Variants in SRRM4 observed in about 807,000 individuals in gnomAD.
SRRM4 encodes serine/arginine repetitive matrix 4.
SRRM4 carries 33 observed loss-of-function variants against 68.9 expected under a neutral mutation model. The observed-to-expected ratio is 0.48, with a 90% CI of 0.36 to 0.64. The LOEUF is 0.64. Ranked by LOEUF, SRRM4 falls within the 30% of genes least tolerant of loss-of-function variation. SRRM4 has a pLI of 0.00. For missense variants in SRRM4, 817 were observed against 827.1 expected (o/e 0.99, Z 0.15); for synonymous variants, 318 against 318.8 (o/e 1.00, Z 0.03).
intron 12 of SRRM4, among the ~76,000 whole-genome samples, chr12:119,155,396 G>A (rs1431036348): frequency 1.3e-5 from 2 of 152,220 alleles, no homozygotes; most frequent in African/African-American, 4.8e-5. Context: ...GAAAAAGAAT[G>A]TGTTTCCCAG....
At chr12:119,145,737 C>A in intron 9 of SRRM4, 52 bp downstream of exon 9, 3 of 1,400,310 alleles carry the variant, frequency 2.1e-6, no homozygotes, top group Non-Finnish European at 2.8e-6. Flanking sequence ...CTTAGCTCCA[C>A]CTTCTCATGC....
chr12:119,019,450 TC>T (rs947374315), intron 1 of SRRM4, among the ~76,000 whole-genome samples: 5 of 151,772 alleles, frequency 3.3e-5, no homozygotes, highest in African/African-American at 7.3e-5. Flanking sequence ...GGGCTTGAAT[TC>T]CCCCCCTCAA....
At chr12:119,035,662 G>A (rs1286745156) in intron 1 of SRRM4, among the ~76,000 whole-genome samples, 3 of 151,790 alleles carry the variant, frequency 2.0e-5, no homozygotes, top group Admixed American at 6.6e-5. Context: ...TTTTTAACTG[G>A]GTCAAGTTGT....
intron 1 of SRRM4, among the ~76,000 whole-genome samples, chr12:119,093,054 A>C (rs1036285825): frequency 6.6e-6 from 1 of 152,002 alleles, no homozygotes. Flanking sequence ...CATCACTTTC[A>C]AGTCTTTGCT....
chr12:119,136,602 A>G (rs1954329920), intron 8 of SRRM4, among the ~76,000 whole-genome samples: 1 of 152,242 alleles, frequency 6.6e-6, no homozygotes, highest in Non-Finnish European at 1.5e-5. Context: ...CAGAAGAAGT[A>G]GGAAAGACAC....
chr12:119,101,341 C>A (rs1954076670), intron 1 of SRRM4, among the ~76,000 whole-genome samples: 1 of 152,098 alleles, frequency 6.6e-6, no homozygotes, highest in Admixed American at 6.5e-5. Context: ...CTCAGGAACT[C>A]CCATAAAGAC....
chr12:119,006,776 G>A (rs1170618542), intron 1 of SRRM4, among the ~76,000 whole-genome samples: 3 of 152,242 alleles, frequency 2.0e-5, no homozygotes, highest in South Asian at 2.1e-4. Context: ...GGTCAAATGC[G>A]ACCATAAGCA....
chr12:119,139,636 T>C (rs570713013), intron 8 of SRRM4, among the ~76,000 whole-genome samples: 2 of 152,246 alleles, frequency 1.3e-5, no homozygotes, highest in East Asian at 3.9e-4. Flanking sequence ...AGTAAGACGA[T>C]TTACTCACTC....
Position 119,013,482 on chromosome 12 carries a change from C to A in SRRM4, c.131+31469C>A, listed in dbSNP as rs1003309666. 3.3e-5 allele frequency among the ~76,000 whole-genome samples: 5 copies of A among 152,016 alleles called. No homozygotes were observed. The East Asian group carries it at 5.8e-4, about 18-fold the overall frequency. Reference sequence around the variant, plus strand: ...AAAGTACTGCAGAAGTATTAAAAAACCCCAAAATTTCCTTCATCTTAACTT... The same window carrying A: ...AAAGTACTGCAGAAGTATTAAAAAAACCCAAAATTTCCTTCATCTTAACTT... On this transcript the variant is annotated intron_variant, in intron 1 of 12. Coordinates refer to ENST00000267260, the MANE Select transcript of SRRM4 (RefSeq NM_194286.4).
At chr12:119,071,498 A>G (rs1214531062) in intron 1 of SRRM4, among the ~76,000 whole-genome samples, 2 of 152,236 alleles carry the variant, frequency 1.3e-5, no homozygotes, top group East Asian at 3.9e-4. Context: ...TTGCTTTCTA[A>G]TTTTTTTGCA....
intron 1 of SRRM4, among the ~76,000 whole-genome samples, chr12:119,036,083 G>T (rs1953625123): frequency 6.6e-6 from 1 of 152,180 alleles, no homozygotes; most frequent in Non-Finnish European, 1.5e-5. Context: ...TGGAGCCAAT[G>T]ATATCTTTGA....
rs1954484898 is a variant in SRRM4 at position 119,157,985 on chromosome 12, C to T, written c.*1187C>T. 1 of 152,796 alleles carries T rather than the reference C, an allele frequency of 6.5e-6. No homozygotes were observed. Among genetic ancestry groups the T allele is most frequent in the Admixed American group, 6.5e-5 (1 of 15,276 alleles). 9.5% of individuals were successfully genotyped at this position (152,796 alleles called of 1,614,324 possible). ...GGGCTTGGATATGCCATGTCTTGGG[C>T]TCCTGCTGGCTTCTGAGGTTTCTTG... On this transcript the variant is annotated 3_prime_UTR_variant, in exon 13 of 13. Coordinates refer to ENST00000267260, the MANE Select transcript of SRRM4 (RefSeq NM_194286.4). This position sits in a 1 kb window ranked among gnomAD's most constrained non-coding sequence, Gnocchi z 4.1.
intron 1 of SRRM4, among the ~76,000 whole-genome samples, chr12:119,005,291 G>A (rs2135995067): frequency 6.6e-6 from 1 of 152,336 alleles, no homozygotes; most frequent in South Asian, 2.1e-4. Flanking sequence ...AAACTCAGCT[G>A]TCCCACAGCT....
At chr12:118,999,066 C>A (rs746215293) in intron 1 of SRRM4, among the ~76,000 whole-genome samples, 1 of 152,152 alleles carries the variant, frequency 6.6e-6, no homozygotes, top group African/African-American at 2.4e-5. Flanking sequence ...ATCAGGAAGA[C>A]AAAATGAAGA....
At chr12:119,127,331 A>T (rs1055878335) in intron 7 of SRRM4, among the ~76,000 whole-genome samples, 10 of 152,100 alleles carry the variant, frequency 6.6e-5, no homozygotes, top group Non-Finnish European at 1.5e-4. Context: ...TTCTTTCTGA[A>T]ATGCATCTCA....
chr12:119,152,854 G>T (rs1244209848), intron 10 of SRRM4, among the ~76,000 whole-genome samples: 1 of 152,196 alleles, frequency 6.6e-6, no homozygotes, highest in Admixed American at 6.5e-5. Context: ...GGAGCATAAG[G>T]ATTAGTCATG....
chr12:119,026,703 C>A (rs558963663), intron 1 of SRRM4, among the ~76,000 whole-genome samples: 1 of 152,202 alleles, frequency 6.6e-6, no homozygotes, highest in African/African-American at 2.4e-5. Context: ...CGTGCACCAC[C>A]TCACCCGGCT....
At chr12:119,019,333 TG>T (rs1953500097) in intron 1 of SRRM4, among the ~76,000 whole-genome samples, 1 of 152,188 alleles carries the variant, frequency 6.6e-6, no homozygotes, top group African/African-American at 2.4e-5. Flanking sequence ...GTTGAAATAA[TG>T]GGTGTTCGGC....
At chr12:119,089,645 T>A (rs76768836) in intron 1 of SRRM4, among the ~76,000 whole-genome samples, 3,839 of 152,308 alleles carry the variant, frequency 0.025, 66 homozygotes, top group Non-Finnish European at 0.038. Context: ...TTGCTGATGA[T>A]TGGTGCTGGA....
Sources: gnomAD v4.1 joint callset for allele counts (sites outside exome capture counted in the v4.1 genomes callset) on GRCh38, gnomAD v4.1.1 for gene constraint, Gnocchi (gnomAD v3.1) non-coding constraint, MANE v1.5 for transcripts, NCBI Gene and HGNC (gene_info 2026-07-23, HGNC 2026-07-21) for gene names.